NPFFR2: variants seen among roughly 807,000 people sequenced by gnomAD.
NPFFR2 encodes neuropeptide FF receptor 2.
A neutral mutation model predicts 13.1 loss-of-function variants in NPFFR2; 15 were observed. The ratio of observed to expected loss-of-function variants is 1.15; its 90% confidence interval spans 0.77 to 1.76. NPFFR2 has a LOEUF of 1.76. NPFFR2 is among the 40% of genes most tolerant of loss of function. The pLI is 0.00. For synonymous variants in NPFFR2, 190 were observed against 175.7 expected (o/e 1.08, Z -0.65); for missense variants, 572 against 503.5 (o/e 1.14, Z -1.30).
chr4:72,035,572 A>G (rs1719021740), intron 1 of NPFFR2, among the ~76,000 whole-genome samples: 2 of 152,236 alleles, frequency 1.3e-5, no homozygotes, highest in African/African-American at 4.8e-5. Context: ...CTGACAAGAC[A>G]TGTCCTGTTC....
chr4:72,110,020 A>G (rs567077670), intron 1 of NPFFR2, among the ~76,000 whole-genome samples: 8 of 151,936 alleles, frequency 5.3e-5, no homozygotes, highest in Non-Finnish European at 8.8e-5. Context: ...GATCGGCTCT[A>G]TAGTCAGTGA....
chr4:72,090,280 T>C (rs114444613), intron 1 of NPFFR2, among the ~76,000 whole-genome samples: 4,437 of 152,198 alleles, frequency 0.029, 175 homozygotes, highest in African/African-American at 0.09. Flanking sequence ...TTATTCTTTT[T>C]GCTTCATCTT....
intron 1 of NPFFR2, among the ~76,000 whole-genome samples, chr4:72,048,165 T>C (rs984299435): frequency 6.6e-6 from 1 of 152,094 alleles, no homozygotes; most frequent in Non-Finnish European, 1.5e-5. Context: ...GCATATGCAC[T>C]TTATTGGCAG....
intron 3 of NPFFR2, 123 bp from the exon 4 acceptor site, chr4:72,146,855 A>G (rs1722794974): frequency 1.5e-6 from 1 of 674,764 alleles, no homozygotes; most frequent in East Asian, 2.5e-5. Flanking sequence ...TACAAATGGT[A>G]ACTTTCTATA....
chr4:72,095,057 A>G (rs1721023318), intron 1 of NPFFR2, among the ~76,000 whole-genome samples: 1 of 152,206 alleles, frequency 6.6e-6, no homozygotes, highest in Admixed American at 6.5e-5. Context: ...ATTTTCCTAC[A>G]TCTTCCCTCT....
At chr4:72,048,364 T>C (rs7658272) in intron 1 of NPFFR2, among the ~76,000 whole-genome samples, 135,313 of 152,080 alleles carry the variant, frequency 0.89, 61,342 homozygotes, top group Non-Finnish European at 0.98. Context: ...TTATATTTTC[T>C]ATGTTTTCCA....
intron 1 of NPFFR2, among the ~76,000 whole-genome samples, chr4:72,109,257 A>G (rs1031247433): frequency 6.6e-6 from 1 of 151,992 alleles, no homozygotes; most frequent in Non-Finnish European, 1.5e-5. Flanking sequence ...TTTATTTTGC[A>G]TAACTGAAAC....
At chr4:72,048,797 T>C (rs1039321596) in intron 1 of NPFFR2, among the ~76,000 whole-genome samples, 1 of 152,056 alleles carries the variant, frequency 6.6e-6, no homozygotes, top group Non-Finnish European at 1.5e-5. Context: ...GTTGGAATTA[T>C]TGTGAAGTTT....
chr4:72,125,701 A>G (rs1343443361), intron 1 of NPFFR2, among the ~76,000 whole-genome samples: 1 of 152,204 alleles, frequency 6.6e-6, no homozygotes, highest in African/African-American at 2.4e-5. Flanking sequence ...AAAGCCAGCA[A>G]AGGCCCATCA....
intron 1 of NPFFR2, among the ~76,000 whole-genome samples, chr4:72,076,004 CACAGAGAGAGAGAG>C (rs1720422841): frequency 1.9e-5 from 1 of 53,052 alleles, no homozygotes; most frequent in Non-Finnish European, 5.1e-5. Flanking sequence ...CACACACACA[CACAGAGAGAGAGAG>C]AGGGCAGACA....
intron 1 of NPFFR2, among the ~76,000 whole-genome samples, chr4:72,072,330 G>A (rs1217364180): frequency 1.3e-5 from 2 of 151,806 alleles, no homozygotes; most frequent in African/African-American, 4.8e-5. Flanking sequence ...ATGCCAAGAA[G>A]TCAATGTATG....
At position 72,128,856 on chromosome 4, in the gene NPFFR2, A is replaced by T; in HGVS notation, c.265A>T (p.Ile89Leu). The T allele has an allele frequency of 2.5e-6, 4 of 1,614,080 alleles. No homozygotes were observed. Among genetic ancestry groups the T allele is most frequent in the East Asian group, 2.2e-5 (1 of 44,858 alleles). Residue 89 changes from isoleucine to leucine, a missense_variant, in exon 2 of 4, where the codon ATA (isoleucine) becomes TTA (leucine). Ile to Leu is a conservative substitution (Grantham distance 5). Coordinates refer to ENST00000308744, the MANE Select transcript of NPFFR2 (RefSeq NM_004885.3). The stretch of plus-strand genomic sequence containing the variant: ...TAATCTCTTCATCTTAAACCTGGCC[A>T]TAAGTGATTTACTAGTTGGCATATT... ...VTNLFILNLA[I>L]SDLLVGIFCM...
chr4:72,050,960 G>T (rs551563227), intron 1 of NPFFR2, among the ~76,000 whole-genome samples: 1 of 151,980 alleles, frequency 6.6e-6, no homozygotes, highest in Admixed American at 6.6e-5. Flanking sequence ...TTTTATGGCT[G>T]CATAGTATTC....
At chr4:72,048,550 GA>G (rs1719446151) in intron 1 of NPFFR2, among the ~76,000 whole-genome samples, 1 of 151,996 alleles carries the variant, frequency 6.6e-6, no homozygotes, top group Non-Finnish European at 1.5e-5. Flanking sequence ...ATCTGATGGA[GA>G]AAATGAACAA....
intron 1 of NPFFR2, among the ~76,000 whole-genome samples, chr4:72,062,066 CT>C (rs1177366228): frequency 9.6e-5 from 10 of 104,584 alleles, no homozygotes; most frequent in Non-Finnish European, 2.1e-5. Flanking sequence ...GTTTGGAACT[CT>C]TTGGTACTCA....
At chr4:72,062,299 T>C (rs1219489252) in intron 1 of NPFFR2, among the ~76,000 whole-genome samples, 1 of 152,130 alleles carries the variant, frequency 6.6e-6, no homozygotes, top group African/African-American at 2.4e-5. Context: ...ACAGGTCTTT[T>C]TACTCTTCTT....
At chr4:72,064,581 G>C (rs543612542) in intron 1 of NPFFR2, among the ~76,000 whole-genome samples, 2 of 152,244 alleles carry the variant, frequency 1.3e-5, no homozygotes, top group East Asian at 3.9e-4. Context: ...TAAGGAAGTG[G>C]GAAGGAATAT....
chr4:72,071,692 G>A (rs1251017302), intron 1 of NPFFR2, among the ~76,000 whole-genome samples: 1 of 151,936 alleles, frequency 6.6e-6, no homozygotes, highest in African/African-American at 2.4e-5. Context: ...AAGAAGCCTG[G>A]GTGCACAAAA....
At chr4:72,048,875 C>T (rs57193060) in intron 1 of NPFFR2, among the ~76,000 whole-genome samples, 4,456 of 151,858 alleles carry the variant, frequency 0.029, 214 homozygotes, top group African/African-American at 0.1. Context: ...AGTTATATTG[C>T]TTATAGAGCC....
Sources: gnomAD v4.1 joint callset for allele counts (sites outside exome capture counted in the v4.1 genomes callset) on GRCh38, gnomAD v4.1.1 for gene constraint, MANE v1.5 for transcripts, NCBI Gene and HGNC (gene_info 2026-07-23, HGNC 2026-07-21) for gene names.